Variants in MTRF1L observed in about 807,000 individuals in gnomAD.
MTRF1L encodes mitochondrial translation release factor 1 like.
MTRF1L carries 29 observed loss-of-function variants against 40.0 expected under a neutral mutation model. The observed-to-expected ratio is 0.73, with a 90% CI of 0.54 to 0.99. MTRF1L has a LOEUF of 0.99. MTRF1L is among the 50% of genes least tolerant of loss of function. The probability of loss-of-function intolerance (pLI) is 0.00; values close to 1 mark genes in which losing one functional copy is unlikely to be tolerated. For missense variants in MTRF1L, 412 were observed against 464.5 expected (o/e 0.89, Z 1.04); for synonymous variants, 150 against 175.8 (o/e 0.85, Z 1.16).
intron 1 of MTRF1L, among the ~76,000 whole-genome samples, chr6:153,000,845 C>A (rs995720023): frequency 2.7e-5 from 4 of 148,696 alleles, no homozygotes; most frequent in African/African-American, 9.9e-5. Flanking sequence ...GTTGTTTTAC[C>A]TTTCTATGTC....
intron 6 of MTRF1L, 26 bp downstream of exon 6, chr6:152,991,159 A>G: frequency 5.0e-6 from 7 of 1,406,084 alleles, no homozygotes; most frequent in Non-Finnish European, 5.7e-6. Context: ...TATCCTTTAA[A>G]AGCATTTTTA....
At chr6:152,995,962 A>C (rs754071057) in intron 2 of MTRF1L, among the ~76,000 whole-genome samples, 26 of 152,330 alleles carry the variant, frequency 1.7e-4, no homozygotes, top group Non-Finnish European at 3.7e-4. Flanking sequence ...CCTCCATTAC[A>C]ATAGTGTGTT....
At position 152,998,124 on chromosome 6, in the gene MTRF1L, C is replaced by T. The variant is rs1288576769; in HGVS notation, c.339+426G>A. On this transcript the variant is annotated intron_variant, in intron 2 of 6. Coordinates refer to ENST00000367233, the MANE Select transcript of MTRF1L (RefSeq NM_019041.7). The stretch of plus-strand genomic sequence containing the variant: ...AACTTTTGAAGTCCTTTCATATAAC[C>T]TCTTCTGCCCCATGTCTACCTCCAG... Among the ~76,000 whole-genome samples, 32 of 146,890 alleles carry T rather than the reference C, an allele frequency of 2.2e-4. 1 individual carries two copies. The highest frequency in any genetic ancestry group is 2.1e-4 in the South Asian group (1 of 4,686).
rs1210021592 is a variant in MTRF1L, at chr6:153,002,565, C to A, written c.121G>T (p.Gly41Trp). 5 of 1,576,054 alleles carry A rather than the reference C, an allele frequency of 3.2e-6. No homozygotes were observed. In the East Asian group the frequency reaches 1.2e-4, roughly 37 times the overall value. Residue 41 changes from glycine to tryptophan, a missense_variant, in exon 1 of 7, where the codon GGG becomes TGG. Coordinates refer to ENST00000367233, the MANE Select transcript of MTRF1L (RefSeq NM_019041.7). ...CGCTCGAGGAAGGTCCGCAAGGGCCCGCCCCGGGTGAACAGCTCCTCCAGC... is the reference window on the plus strand; with the variant it reads ...CGCTCGAGGAAGGTCCGCAAGGGCCAGCCCCGGGTGAACAGCTCCTCCAGC... ...PPLEELFTRG[G>W]PLRTFLERQA...
intron 5 of MTRF1L, among the ~76,000 whole-genome samples, chr6:152,991,825 A>G (rs975778918): frequency 1.3e-5 from 2 of 152,224 alleles, no homozygotes; most frequent in Non-Finnish European, 2.9e-5. Context: ...CTGGGATTAC[A>G]GGCGTGAGCC....
chr6:152,991,675 T>A (rs945780801), intron 5 of MTRF1L, among the ~76,000 whole-genome samples: 1 of 152,052 alleles, frequency 6.6e-6, no homozygotes, highest in Non-Finnish European at 1.5e-5. Flanking sequence ...GCCTCCCGAG[T>A]AGCTGGGATT....
At chr6:152,996,788 A>C (rs2129100027) in intron 2 of MTRF1L, among the ~76,000 whole-genome samples, 1 of 152,262 alleles carries the variant, frequency 6.6e-6, no homozygotes. Flanking sequence ...GTGAGGGCTT[A>C]CTCTAGGTCT....
At chr6:153,000,998 C>G (rs1210052192) in intron 1 of MTRF1L, among the ~76,000 whole-genome samples, 1 of 151,310 alleles carries the variant, frequency 6.6e-6, no homozygotes, top group African/African-American at 2.4e-5. Context: ...CTCAGCCTCT[C>G]AAGTAGCTGG....
chr6:152,994,950 G>A, intron 3 of MTRF1L, 186 bp downstream of exon 3: 1 of 727,660 alleles, frequency 1.4e-6, no homozygotes, highest in Non-Finnish European at 2.2e-6. Flanking sequence ...TAGTATTATT[G>A]AAAGACTCTC....
Position 152,995,166 on chromosome 6 carries a change from C to G in MTRF1L, c.493G>C (p.Glu165Gln). 1 of 1,602,916 alleles carries G rather than the reference C, an allele frequency of 6.2e-7. No individual in the cohort carries two copies. The highest frequency in any genetic ancestry group is 1.3e-5 in the African/African-American group (1 of 74,540). The change falls in exon 3 of 7, where the codon GAA becomes CAA. Residue 165 changes from glutamate (E) to glutamine (Q), a missense_variant. Transcript: ENST00000367233. ...TCACTTGGAAAATATTCCAGGGTTTCAAAATGCCATCTTTTAAATGCAGCA... is the reference window on the plus strand; with the variant it reads ...TCACTTGGAAAATATTCCAGGGTTTGAAAATGCCATCTTTTAAATGCAGCA... ...QYAAFKRWHF[E>Q]TLEYFPSELG...
At position 152,989,962 on chromosome 6, in the gene MTRF1L, A is replaced by G. The variant is rs1421952806; in HGVS notation, c.1076T>C (p.Leu359Pro). The G allele has an allele frequency of 1.2e-6, 2 of 1,613,712 alleles. No homozygotes were observed. Among genetic ancestry groups the G allele is most frequent in the South Asian group, 1.1e-5 (1 of 90,982 alleles). The change falls in exon 7 of 7, where the codon CTT becomes CCT. Residue 359 changes from leucine (L) to proline (P), a missense_variant. By Grantham distance (98) the Leu-to-Pro change is moderately conservative (BLOSUM62 -3). Coordinates refer to ENST00000367233, the MANE Select transcript of MTRF1L (RefSeq NM_019041.7). ...GGCGTATTCCTTCAATGACTGTACA[A>G]GTTCATCCAGTAGATAATCTCCTTG... ...FMQGDYLLDE[L>P]VQSLKEYADY...
Position 153,002,504 on chromosome 6 carries a change from CTCCTG to C in MTRF1L, c.177_181del (p.Arg60AlafsTer21), listed in dbSNP as rs754698657. Reference sequence around the variant, plus strand: ...TTTGATCACCGCCAGCAACTCGGGCCTCCTGACCTTCAAATGGGCTTCAGACCCCG... The same window carrying C: ...TTTGATCACCGCCAGCAACTCGGGCCACCTTCAAATGGGCTTCAGACCCCG... On this transcript the variant is annotated frameshift_variant, in exon 1 of 7. Transcript: ENST00000367233. LOFTEE classifies it high-confidence loss of function. 6.2e-6 allele frequency: 10 copies of C among 1,613,116 alleles called. No homozygotes were observed. The highest frequency in any genetic ancestry group is 1.7e-5 in the Admixed American group (1 of 59,982).
chr6:152,990,384 G>A, intron 6 of MTRF1L: 1 of 345,498 alleles, frequency 2.9e-6, no homozygotes, highest in Non-Finnish European at 5.3e-6. Flanking sequence ...ACACAGTGAT[G>A]ATGACAATAG....
intron 2 of MTRF1L, among the ~76,000 whole-genome samples, chr6:152,995,583 G>C (rs183726695): frequency 3.3e-5 from 5 of 152,094 alleles, no homozygotes; most frequent in Admixed American, 1.3e-4. Context: ...TGGAGTTCTT[G>C]TATGCTTTGT....
At chr6:152,996,497 C>T (rs751339268) in intron 2 of MTRF1L, among the ~76,000 whole-genome samples, 3 of 152,152 alleles carry the variant, frequency 2.0e-5, no homozygotes, top group Non-Finnish European at 4.4e-5. Flanking sequence ...AATTCTCCCC[C>T]TCTAACATAG....
intron 2 of MTRF1L, among the ~76,000 whole-genome samples, chr6:152,995,804 C>T (rs1418096915): frequency 2.0e-5 from 3 of 152,002 alleles, no homozygotes; most frequent in Admixed American, 1.3e-4. Flanking sequence ...CTAAAAAGGC[C>T]CTTAGAGATT....
In MTRF1L at chr6:153,002,654, C is replaced by T. The variant is rs751455388; in HGVS notation, c.32G>A (p.Arg11Gln). 1.7e-5 allele frequency: 26 copies of T among 1,504,486 alleles called. No individual in the cohort carries two copies. In the East Asian group the frequency reaches 5.9e-4, roughly 34 times the overall value. The allele number at this position is 1,504,486 out of a possible 1,614,324, so 93.2% of individuals were successfully genotyped here. Residue 11 changes from arginine to glutamine, a missense_variant, in exon 1 of 7, where the codon CGG becomes CAG. By Grantham distance (43) the Arg-to-Gln change is conservative. Coordinates refer to ENST00000367233, the MANE Select transcript of MTRF1L (RefSeq NM_019041.7). Reference protein sequence around the residue: MRSRVLWGAARWLWPRRAVGP... With the variant: MRSRVLWGAAQWLWPRRAVGP... ...AACGGCCCGGCGGGGCCAGAGCCAC[C>T]GGGCAGCGCCCCACAGAACCCGGGA...
Position 152,989,630 on chromosome 6 carries a change from G to T in MTRF1L, c.*265C>A, listed in dbSNP as rs1778429073. The T allele has an allele frequency of 5.4e-6, 2 of 372,088 alleles. No homozygotes were observed. The highest frequency in any genetic ancestry group is 4.5e-5 in the Admixed American group (1 of 22,006). 23.0% of individuals were successfully genotyped at this position (372,088 alleles called of 1,614,324 possible). A position where few individuals can be genotyped will look rare whatever the true frequency, so the allele number is the denominator to read the frequency against. On this transcript the variant is annotated 3_prime_UTR_variant, in exon 7 of 7. Transcript: ENST00000367233. The stretch of plus-strand genomic sequence containing the variant: ...CTGTCATTAATTAGGAGACTGCTGT[G>T]TTGCTAACGTTATATGCATTTTTAA...
chr6:153,001,644 ACT>A (rs1399769213), intron 1 of MTRF1L, among the ~76,000 whole-genome samples: 5 of 152,144 alleles, frequency 3.3e-5, no homozygotes, highest in Non-Finnish European at 7.4e-5. Flanking sequence ...CTTAGAACTA[ACT>A]CTCTCCCTCA....
Sources: allele counts gnomAD v4.1 joint callset (sites outside exome capture counted in the v4.1 genomes callset), GRCh38; gene constraint gnomAD v4.1.1; transcripts MANE v1.5; gene names NCBI Gene and HGNC (gene_info 2026-07-23, HGNC 2026-07-21).